TNKS2: variants seen among roughly 807,000 people sequenced by gnomAD.
TNKS2 encodes the protein poly [ADP-ribose] polymerase tankyrase-2.
A neutral mutation model predicts 137.6 loss-of-function variants in TNKS2; 72 were observed. That is an observed-to-expected ratio of 0.52 (90% CI 0.43 to 0.64). TNKS2 has a LOEUF of 0.64. TNKS2 is among the 30% of genes least tolerant of loss of function. The probability of loss-of-function intolerance (pLI) is 0.00; values close to 1 mark genes in which losing one functional copy is unlikely to be tolerated. For synonymous variants in TNKS2, 516 were observed against 512.1 expected (o/e 1.01, Z -0.10); for missense variants, 1,049 against 1,410.2 (o/e 0.74, Z 4.10).
intron 2 of TNKS2, among the ~76,000 whole-genome samples, chr10:91,814,884 G>A (rs923400749): frequency 2.0e-5 from 3 of 152,194 alleles, no homozygotes; most frequent in African/African-American, 7.2e-5. Context: ...ACACATGACT[G>A]TATTTTATGA....
At chr10:91,820,143 T>TGA (rs749441585) in intron 6 of TNKS2, 110 bp downstream of exon 6, 9 of 692,328 alleles carry the variant, frequency 1.3e-5, no homozygotes, top group Non-Finnish European at 1.7e-5. Flanking sequence ...TAATATATAT[T>TGA]GAGCTTTTAC....
chr10:91,844,534 G>A (rs1842306927), intron 16 of TNKS2, among the ~76,000 whole-genome samples: 1 of 152,118 alleles, frequency 6.6e-6, no homozygotes, highest in Admixed American at 6.5e-5. Flanking sequence ...CAGCCTCTGA[G>A]ACCCATGTAC....
intron 2 of TNKS2, among the ~76,000 whole-genome samples, chr10:91,816,627 C>T (rs188006289): frequency 6.6e-6 from 1 of 151,248 alleles, no homozygotes; most frequent in Non-Finnish European, 1.5e-5. Context: ...TTATTGAAAG[C>T]ATAAGGAAGC....
chr10:91,808,194 T>C (rs1844391708), intron 1 of TNKS2, among the ~76,000 whole-genome samples: 1 of 151,506 alleles, frequency 6.6e-6, no homozygotes, highest in African/African-American at 2.4e-5. Flanking sequence ...CTATTTTAGA[T>C]GGGATGGTCA....
intron 2 of TNKS2, 69 bp downstream of exon 2, chr10:91,813,276 GT>G: frequency 7.9e-7 from 1 of 1,263,068 alleles, no homozygotes; most frequent in Non-Finnish European, 1.1e-6. Flanking sequence ...GAATTAATCT[GT>G]TCATATCATC....
chr10:91,855,676 C>T lies in TNKS2; in HGVS notation c.2976C>T (p.Tyr992=), dbSNP rs1323345149. The T allele has an allele frequency of 1.2e-6, 2 of 1,610,824 alleles. No homozygotes were observed. The highest frequency in any genetic ancestry group is 1.7e-5 in the Admixed American group (1 of 59,778). Residue 992 remains tyrosine, a synonymous_variant, in exon 23 of 27, where the codon TAC becomes TAT. Coordinates refer to ENST00000371627, the MANE Select transcript of TNKS2 (RefSeq NM_025235.4). The stretch of plus-strand genomic sequence containing the variant: ...ATGCAGGTGGAATCTTCAACAGATA[C>T]AATATTCTCAAGGTAATAAATTAGT... The part of the protein sequence containing the change: ...GGHAGGIFNR[Y]NILKIQKVCN...
In TNKS2 at chr10:91,798,457, G is replaced by A. The variant is rs1166530542; in HGVS notation, c.-234G>A. The A allele has an allele frequency of 1.2e-5, 4 of 327,152 alleles. No individual in the cohort carries two copies. Among genetic ancestry groups the A allele is most frequent in the East Asian group, 5.5e-5 (1 of 18,326 alleles). The allele number at this position is 327,152 out of a possible 1,614,324, so 20.3% of individuals were successfully genotyped here. ...CGCCGCCGCGTCGTTTCAGGACCCG[G>A]ACGGCGGATTCGCGCTGCCTCCGCC... On this transcript the variant is annotated 5_prime_UTR_variant, in exon 1 of 27. Coordinates refer to ENST00000371627, the MANE Select transcript of TNKS2 (RefSeq NM_025235.4).
At chr10:91,860,951 A>T (rs1365566662) in intron 25 of TNKS2, among the ~76,000 whole-genome samples, 1 of 152,214 alleles carries the variant, frequency 6.6e-6, no homozygotes, top group Non-Finnish European at 1.5e-5. Context: ...AGTAATAAGC[A>T]GCATTCTAAT....
intron 21 of TNKS2, among the ~76,000 whole-genome samples, chr10:91,854,514 T>A (rs1842644625): frequency 6.6e-6 from 1 of 152,158 alleles, no homozygotes; most frequent in Non-Finnish European, 1.5e-5. Flanking sequence ...TATAAAATGG[T>A]AACATTAGGG....
At chr10:91,857,330 A>G (rs1367042929) in intron 23 of TNKS2, 95 bp from the exon 24 acceptor site, 4 of 677,014 alleles carry the variant, frequency 5.9e-6, no homozygotes, top group Admixed American at 6.1e-5. Flanking sequence ...AGTTTTGCCT[A>G]CCTTCTAGCT....
chr10:91,829,275 TC>T (rs1347394472), intron 9 of TNKS2, among the ~76,000 whole-genome samples: 2 of 84,440 alleles, frequency 2.4e-5, no homozygotes, highest in African/African-American at 6.3e-5. Context: ...GTAAGAAACT[TC>T]TAAATTTAAA....
chr10:91,820,147 CT>C, intron 6 of TNKS2, 114 bp downstream of exon 6: 1 of 652,726 alleles, frequency 1.5e-6, no homozygotes, highest in Non-Finnish European at 2.3e-6. Context: ...ATATATTGAG[CT>C]TTTACAATGT....
chr10:91,854,771 C>T (rs1170528450), intron 21 of TNKS2, among the ~76,000 whole-genome samples: 4 of 151,668 alleles, frequency 2.6e-5, no homozygotes, highest in Admixed American at 1.3e-4. Context: ...GTCGTGGTAG[C>T]GAATGCCTGT....
intron 3 of TNKS2, among the ~76,000 whole-genome samples, chr10:91,817,631 A>G (rs1428997186): frequency 6.6e-6 from 1 of 152,096 alleles, no homozygotes; most frequent in Non-Finnish European, 1.5e-5. Context: ...GGGATATTCA[A>G]GCTGTACTAT....
At chr10:91,834,842 G>A (rs1472811926) in intron 12 of TNKS2, among the ~76,000 whole-genome samples, 2 of 152,148 alleles carry the variant, frequency 1.3e-5, no homozygotes, top group Non-Finnish European at 2.9e-5. Context: ...CTATTCAGTT[G>A]GCTAGTGATA....
At chr10:91,851,389 A>ACC in intron 21 of TNKS2, 53 bp downstream of exon 21, 2 of 1,576,792 alleles carry the variant, frequency 1.3e-6, no homozygotes, top group Non-Finnish European at 1.7e-6. Context: ...CATAAAGGCA[A>ACC]CCCTCAGTGT....
intron 15 of TNKS2, 73 bp from the exon 16 acceptor site, chr10:91,842,099 C>A: frequency 9.8e-7 from 1 of 1,024,542 alleles, no homozygotes; most frequent in Non-Finnish European, 1.5e-6. Context: ...ATAGTTAACA[C>A]TGACTATTTT....
At position 91,864,634 on chromosome 10, in the gene TNKS2, A is replaced by G. The variant is rs994632540; in HGVS notation, c.*1635A>G. On this transcript the variant is annotated 3_prime_UTR_variant, in exon 27 of 27. Transcript: ENST00000371627. Reference sequence around the variant, plus strand: ...ATGCATTTCTGGAGTTGTTTCTGTGATGTAAATTATGATCATTATTTAAGA... The same window carrying G: ...ATGCATTTCTGGAGTTGTTTCTGTGGTGTAAATTATGATCATTATTTAAGA... 6.6e-6 allele frequency: 1 copy of G among 152,628 alleles called. No individual in the cohort carries two copies. Among genetic ancestry groups the G allele is most frequent in the Non-Finnish European group, 1.5e-5 (1 of 68,026 alleles). 9.5% of individuals were successfully genotyped at this position (152,628 alleles called of 1,614,324 possible). A position where few individuals can be genotyped will look rare whatever the true frequency, so the allele number is the denominator to read the frequency against.
chr10:91,858,481 A>G (rs947898378), intron 24 of TNKS2, among the ~76,000 whole-genome samples: 1 of 152,238 alleles, frequency 6.6e-6, no homozygotes, highest in Non-Finnish European at 1.5e-5. Flanking sequence ...AGAATTCAGT[A>G]TATTTTCCTG....
Sources: gnomAD v4.1 joint callset for allele counts (sites outside exome capture counted in the v4.1 genomes callset) on GRCh38, gnomAD v4.1.1 for gene constraint, MANE v1.5 for transcripts, NCBI Gene and HGNC (gene_info 2026-07-23, HGNC 2026-07-21) for gene names.